The following CTNNA2 variants were observed in gnomAD, a reference collection of about 807,000 sequenced individuals.
CTNNA2 encodes the protein catenin alpha 2.
In CTNNA2, 42 loss-of-function variants were observed where a neutral mutation model predicts 101.0. The observed-to-expected ratio is 0.42, with a 90% CI of 0.32 to 0.54. CTNNA2 has a LOEUF of 0.54. Ranked by LOEUF, CTNNA2 falls within the 20% of genes least tolerant of loss-of-function variation. CTNNA2 has a pLI of 0.14. For synonymous variants in CTNNA2, 450 were observed against 456.4 expected, an observed-to-expected ratio of 0.99 and a Z score of 0.18; for missense variants, 871 against 1,223.1, an observed-to-expected ratio of 0.71 and a Z score of 4.29.
intron 4 of CTNNA2, among the ~76,000 whole-genome samples, chr2:79,405,146 T>C (rs1304726415): frequency 1.3e-5 from 2 of 151,964 alleles, no homozygotes; most frequent in Non-Finnish European, 2.9e-5. Flanking sequence ...AGTTGAGCCC[T>C]TTAAAAAAGA....
At chr2:79,835,678 T>TG (rs1679292270) in intron 3 of CTNNA2, among the ~76,000 whole-genome samples, 11 of 56,732 alleles carry the variant, frequency 1.9e-4, no homozygotes, top group African/African-American at 7.4e-4. Context: ...TTTTTTTTTT[T>TG]TTTTTTTTTT....
At chr2:79,857,406 G>T (rs755933039) in intron 3 of CTNNA2, among the ~76,000 whole-genome samples, 90 of 152,332 alleles carry the variant, frequency 5.9e-4, no homozygotes, top group Non-Finnish European at 1.1e-3. Flanking sequence ...GCAGAGCCTA[G>T]TACAGAATCT....
chr2:80,228,658 A>T (rs765890139), intron 7 of CTNNA2, among the ~76,000 whole-genome samples: 2 of 152,114 alleles, frequency 1.3e-5, no homozygotes, highest in African/African-American at 4.8e-5. Context: ...ATTGGGGAGG[A>T]CTCATTACAG....
intron 7 of CTNNA2, among the ~76,000 whole-genome samples, chr2:80,143,220 C>T (rs755402283): frequency 3.3e-5 from 5 of 152,148 alleles, no homozygotes; most frequent in South Asian, 2.1e-4. Context: ...CAGAACTTTA[C>T]GCTGATATTT....
chr2:80,260,218 C>T (rs191300150), intron 7 of CTNNA2, among the ~76,000 whole-genome samples: 9 of 152,256 alleles, frequency 5.9e-5, no homozygotes, highest in Admixed American at 2.6e-4. Flanking sequence ...GCTACATCCT[C>T]AGTAATGTAG....
At chr2:80,214,263 A>G (rs1708104404) in intron 7 of CTNNA2, among the ~76,000 whole-genome samples, 1 of 152,144 alleles carries the variant, frequency 6.6e-6, no homozygotes, top group African/African-American at 2.4e-5. Flanking sequence ...TTATGATGTT[A>G]GCTGGTTATT....
intron 4 of CTNNA2, among the ~76,000 whole-genome samples, chr2:79,389,980 T>C (rs1326953484): frequency 6.6e-6 from 1 of 152,136 alleles, no homozygotes; most frequent in Non-Finnish European, 1.5e-5. Flanking sequence ...TTAAAATATA[T>C]AAAAGTCTAA....
In CTNNA2 at chr2:80,574,283, G is replaced by A. The variant is rs753270694; in HGVS notation, c.1862G>A (p.Arg621Gln). The stretch of plus-strand genomic sequence containing the variant: ...TCTCGCCTGGTGTATGATGGCGTTC[G>A]GGACATCAGAAAGGCTGTGCTGATG... ...DASRLVYDGV[R>Q]DIRKAVLMIR... Residue 621 changes from arginine to glutamine, a missense_variant, in exon 13 of 19, where the codon CGG (arginine) becomes CAG (glutamine). By Grantham distance (43) the Arg-to-Gln change is conservative. This residue lies in a region of CTNNA2 where 647 missense variants were observed against 831.5 expected (regional missense o/e 0.78). Transcript: ENST00000402739. 1.2e-6 allele frequency: 2 copies of A among 1,612,948 alleles called. No individual in the cohort carries two copies. Among genetic ancestry groups the A allele is most frequent in the Admixed American group, 1.7e-5 (1 of 59,994 alleles).
chr2:80,255,783 A>G (rs917397168), intron 7 of CTNNA2, among the ~76,000 whole-genome samples: 8 of 152,144 alleles, frequency 5.3e-5, no homozygotes, highest in Admixed American at 2.6e-4. Flanking sequence ...GTGTGTGTGT[A>G]TCCTTACCCC....
intron 3 of CTNNA2, among the ~76,000 whole-genome samples, chr2:79,352,348 C>A (rs1273543901): frequency 6.6e-6 from 1 of 151,812 alleles, no homozygotes; most frequent in African/African-American, 2.4e-5. Flanking sequence ...TCCATTTTTT[C>A]TGGTTTTCCT....
At chr2:80,393,858 T>TCTC (rs1270079596) in intron 8 of CTNNA2, among the ~76,000 whole-genome samples, 1 of 152,140 alleles carries the variant, frequency 6.6e-6, no homozygotes, top group Non-Finnish European at 1.5e-5. Context: ...CAGGGAGAAA[T>TCTC]CTCCGGTCAG....
At chr2:79,373,221 G>T (rs1677911852) in intron 3 of CTNNA2, among the ~76,000 whole-genome samples, 1 of 152,122 alleles carries the variant, frequency 6.6e-6, no homozygotes, top group South Asian at 2.1e-4. Flanking sequence ...TCTGGCTAAA[G>T]ATTGCATCTT....
chr2:79,589,719 C>CA (rs11437417), intron 1 of CTNNA2, among the ~76,000 whole-genome samples: 5 of 150,748 alleles, frequency 3.3e-5, no homozygotes, highest in South Asian at 2.1e-4. Context: ...TTTTTTTTTC[C>CA]CCCCCCCGAG....
chr2:79,470,142 A>T (rs2104545866), intron 4 of CTNNA2, among the ~76,000 whole-genome samples: 1 of 152,334 alleles, frequency 6.6e-6, no homozygotes, highest in East Asian at 1.9e-4. Context: ...TGGTTATATC[A>T]GTATCAGAAA....
chr2:79,626,833 G>A lies in CTNNA2; in HGVS notation c.-5-24719G>A, dbSNP rs1436109994. Among the ~76,000 whole-genome samples, 7 of 152,020 alleles carry A rather than the reference G, an allele frequency of 4.6e-5. No homozygotes were observed. The East Asian group carries it at 1.3e-3, about 29-fold the overall frequency. ...GGAGCTGGTGTGGTGGGTTATCTTG[G>A]AGGGGTCTGAGATGAGGGCAGGGAG... On this transcript the variant is annotated intron_variant, in intron 1 of 18. Transcript: ENST00000402739.
intron 3 of CTNNA2, among the ~76,000 whole-genome samples, chr2:79,781,882 A>G (rs1674471211): frequency 1.3e-5 from 2 of 152,352 alleles, no homozygotes; most frequent in East Asian, 1.9e-4. Flanking sequence ...GAAAGACCCA[A>G]TTTAAACAAT....
At chr2:79,360,794 T>C (rs1441556700) in intron 3 of CTNNA2, among the ~76,000 whole-genome samples, 1 of 152,172 alleles carries the variant, frequency 6.6e-6, no homozygotes, top group Non-Finnish European at 1.5e-5. Flanking sequence ...AATGTCTTTT[T>C]CTCTCTGGAT....
chr2:79,893,702 C>A (rs529719378), intron 6 of CTNNA2, among the ~76,000 whole-genome samples: 1 of 152,288 alleles, frequency 6.6e-6, no homozygotes, highest in Non-Finnish European at 1.5e-5. Context: ...GATTCTCAAA[C>A]CAGTGTAACT....
chr2:80,536,683 T>C (rs1250593861), intron 9 of CTNNA2, among the ~76,000 whole-genome samples: 1 of 152,238 alleles, frequency 6.6e-6, no homozygotes, highest in Non-Finnish European at 1.5e-5. Context: ...GCCTAAATAC[T>C]TTATTAGCAG....
Sources: allele counts gnomAD v4.1 joint callset (sites outside exome capture counted in the v4.1 genomes callset), GRCh38; gene constraint gnomAD v4.1.1; regional missense constraint gnomAD v4.1.1; transcripts MANE v1.5; gene names NCBI Gene and HGNC (gene_info 2026-07-23, HGNC 2026-07-21).